The following RBFOX3 variants were observed in gnomAD, a reference collection of about 807,000 sequenced individuals.
The protein encoded by RBFOX3 is RNA binding protein fox-1 homolog 3.
RBFOX3 carries 17 observed loss-of-function variants against 48.7 expected under a neutral mutation model. The observed-to-expected ratio is 0.35, with a 90% confidence interval of 0.24 to 0.52. The LOEUF (loss-of-function observed/expected upper bound fraction) is 0.52. Ranked by LOEUF, RBFOX3 falls within the 20% of genes least tolerant of loss-of-function variation. The pLI is 0.94. For synonymous variants in RBFOX3, 212 were observed against 209.5 expected, an observed-to-expected ratio of 1.01 and a Z score of -0.10; for missense variants, 382 against 497.5, an observed-to-expected ratio of 0.77 and a Z score of 2.21.
intron 1 of RBFOX3, among the ~76,000 whole-genome samples, chr17:79,591,168 C>T (rs1463650513): frequency 2.6e-5 from 4 of 152,054 alleles, no homozygotes; most frequent in African/African-American, 9.7e-5. Flanking sequence ...GGGGAGATCC[C>T]AGAGAGGCCC....
intron 4 of RBFOX3, among the ~76,000 whole-genome samples, chr17:79,116,071 G>A (rs369421666): frequency 6.6e-6 from 1 of 152,174 alleles, no homozygotes; most frequent in Admixed American, 6.5e-5. Context: ...CCATTTTAAG[G>A]TAACTGTAGG....
the RBFOX3 span, among the ~76,000 whole-genome samples, chr17:79,656,013 G>A: frequency 2.6e-4 from 40 of 152,178 alleles, no homozygotes; most frequent in East Asian, 3.9e-4. Context: ...CAGGGACCCC[G>A]AGGGAAGCTT....
chr17:79,133,984 T>C (rs1338356301), intron 4 of RBFOX3, among the ~76,000 whole-genome samples: 1 of 152,242 alleles, frequency 6.6e-6, no homozygotes, highest in African/African-American at 2.4e-5. Context: ...AATATTAGCA[T>C]TATTAATGGC....
At chr17:79,116,593 C>T (rs1432091686) in intron 4 of RBFOX3, among the ~76,000 whole-genome samples, 1 of 152,262 alleles carries the variant, frequency 6.6e-6, no homozygotes, top group Non-Finnish European at 1.5e-5. Flanking sequence ...CACCTGGATC[C>T]CTGGAAGTGA....
intron 3 of RBFOX3, among the ~76,000 whole-genome samples, chr17:79,241,025 G>A (rs573621868): frequency 1.3e-5 from 2 of 152,158 alleles, no homozygotes; most frequent in African/African-American, 4.8e-5. Context: ...GCTCAGGCTG[G>A]AGTGCAGTGG....
chr17:79,661,944 C>T, the RBFOX3 span, among the ~76,000 whole-genome samples: 1 of 152,112 alleles, frequency 6.6e-6, no homozygotes, highest in Non-Finnish European at 1.5e-5. Flanking sequence ...TGCCTTTTTG[C>T]TCTCTTAATT....
chr17:79,526,861 GA>G (rs1241460610), intron 1 of RBFOX3, among the ~76,000 whole-genome samples: 1 of 152,170 alleles, frequency 6.6e-6, no homozygotes, highest in Admixed American at 6.5e-5. Flanking sequence ...AGAGGGTTTG[GA>G]AAAAAACCAT....
intron 2 of RBFOX3, among the ~76,000 whole-genome samples, chr17:79,330,882 C>A (rs566756937): frequency 8.8e-4 from 134 of 152,318 alleles, no homozygotes; most frequent in East Asian, 7.7e-4. Flanking sequence ...GGTCTCAGGG[C>A]TCTGACAGCC....
chr17:79,633,146 C>T, the RBFOX3 span, among the ~76,000 whole-genome samples: 2 of 152,226 alleles, frequency 1.3e-5, no homozygotes, highest in Admixed American at 6.5e-5. Flanking sequence ...GGCCATGACT[C>T]GGCCTCCAGA....
At chr17:79,119,575 G>A (rs576766791) in intron 4 of RBFOX3, among the ~76,000 whole-genome samples, 17 of 152,310 alleles carry the variant, frequency 1.1e-4, no homozygotes, top group South Asian at 6.2e-4. Flanking sequence ...TGCAATGCAC[G>A]GGGATGGGCT....
At chr17:79,372,111 CTG>C (rs1181805918) in intron 2 of RBFOX3, among the ~76,000 whole-genome samples, 3 of 152,062 alleles carry the variant, frequency 2.0e-5, no homozygotes, top group Non-Finnish European at 4.4e-5. Flanking sequence ...GCGAGGATGA[CTG>C]TGGCCACGGC....
At chr17:79,161,628 C>T (rs539828466) in intron 4 of RBFOX3, among the ~76,000 whole-genome samples, 4 of 152,290 alleles carry the variant, frequency 2.6e-5, no homozygotes, top group African/African-American at 9.6e-5. Flanking sequence ...CAGGGTCTCA[C>T]TCTGTCACCC....
chr17:79,528,810 G>A (rs908864531), intron 1 of RBFOX3, among the ~76,000 whole-genome samples: 2 of 152,030 alleles, frequency 1.3e-5, no homozygotes, highest in Admixed American at 6.6e-5. Flanking sequence ...GTTTTCAGAG[G>A]GAGCACGGCC....
intron 4 of RBFOX3, among the ~76,000 whole-genome samples, chr17:79,170,383 C>T (rs1331096840): frequency 2.0e-5 from 3 of 152,022 alleles, no homozygotes; most frequent in African/African-American, 4.8e-5. Context: ...TGCCAGGGGC[C>T]TGCAGCCCAG....
chr17:79,245,689 G>A (rs549747646), intron 3 of RBFOX3, among the ~76,000 whole-genome samples: 4 of 149,100 alleles, frequency 2.7e-5, no homozygotes, highest in South Asian at 2.1e-4. Context: ...GTGCAGTGGC[G>A]TGATCTCAGC....
At chr17:79,395,396 C>T (rs2061866733) in intron 2 of RBFOX3, among the ~76,000 whole-genome samples, 1 of 152,234 alleles carries the variant, frequency 6.6e-6, no homozygotes, top group Non-Finnish European at 1.5e-5. Context: ...TGGGGACCTG[C>T]TATGTGTCTG....
upstream of RBFOX3, among the ~76,000 whole-genome samples, chr17:79,614,745 G>C (rs964305873): frequency 0.011 from 1,600 of 152,112 alleles, 28 homozygotes; most frequent in African/African-American, 0.036. Flanking sequence ...CATGAGAGCA[G>C]AAACAAAACA....
At chr17:79,264,200 C>T (rs1413892415) in intron 3 of RBFOX3, among the ~76,000 whole-genome samples, 2 of 151,756 alleles carry the variant, frequency 1.3e-5, no homozygotes, top group Non-Finnish European at 2.9e-5. Context: ...CTCGGCCTCC[C>T]AAGTAGCTGG....
intron 2 of RBFOX3, among the ~76,000 whole-genome samples, chr17:79,404,187 G>A (rs1319887311): frequency 6.6e-6 from 1 of 152,234 alleles, no homozygotes; most frequent in South Asian, 2.1e-4. Context: ...GGGAGCCTGA[G>A]GGGGAGAGAA....
Sources: allele counts gnomAD v4.1 joint callset (sites outside exome capture counted in the v4.1 genomes callset), GRCh38; gene constraint gnomAD v4.1.1; transcripts MANE v1.5; gene names NCBI Gene and HGNC (gene_info 2026-07-23, HGNC 2026-07-21).